The following NFAM1 variants were observed in gnomAD, a reference collection of about 807,000 sequenced individuals.
NFAM1 encodes NFAT activation molecule 1.
A neutral mutation model predicts 29.0 loss-of-function variants in NFAM1; 17 were observed. The observed-to-expected ratio is 0.59, with a 90% CI of 0.40 to 0.88. The LOEUF is 0.88. NFAM1 is among the 40% of genes least tolerant of loss of function. NFAM1 has a pLI of 0.00. For missense variants in NFAM1, 324 were observed against 344.6 expected, an observed-to-expected ratio of 0.94 and a Z score of 0.47; for synonymous variants, 175 against 147.2, an observed-to-expected ratio of 1.19 and a Z score of -1.36.
intron 1 of NFAM1, among the ~76,000 whole-genome samples, chr22:42,418,684 CTCTG>C (rs1300032694): frequency 1.3e-5 from 2 of 151,750 alleles, no homozygotes. Flanking sequence ...CAAGAGCTAT[CTCTG>C]TTTTTTTTTT....
chr22:42,397,799 A>G (rs1483192778), intron 4 of NFAM1, 59 bp downstream of exon 4: 7 of 954,454 alleles, frequency 7.3e-6, no homozygotes, highest in Non-Finnish European at 1.2e-5. Context: ...CCCTGGTACA[A>G]GACAGACTCT....
At chr22:42,431,280 C>T (rs752797987) in intron 1 of NFAM1, among the ~76,000 whole-genome samples, 28 of 152,132 alleles carry the variant, frequency 1.8e-4, no homozygotes, top group East Asian at 1.3e-3. Context: ...GTGGCCAGTA[C>T]GTGCCCTGCT....
intron 1 of NFAM1, among the ~76,000 whole-genome samples, chr22:42,430,697 G>A (rs980519994): frequency 6.6e-6 from 1 of 152,092 alleles, no homozygotes. Flanking sequence ...TACCGGGTGG[G>A]AGGGGGTGGC....
chr22:42,423,674 G>A (rs777401808), intron 1 of NFAM1, among the ~76,000 whole-genome samples: 3 of 151,844 alleles, frequency 2.0e-5, no homozygotes, highest in Non-Finnish European at 4.4e-5. Flanking sequence ...AGCCATGACT[G>A]TATCACCTCA....
rs1313391979 is a variant in NFAM1 at position 42,409,371 on chromosome 22, C to T, written c.564+64G>A. 7 of 874,128 alleles carry T rather than the reference C, an allele frequency of 8.0e-6. No homozygotes were observed. Among genetic ancestry groups the T allele is most frequent in the South Asian group, 2.1e-5 (1 of 46,778 alleles). The allele number at this position is 874,128 out of a possible 1,614,324, so 54.1% of individuals were successfully genotyped here. A position where few individuals can be genotyped will look rare whatever the true frequency, so the allele number is the denominator to read the frequency against. On this transcript the variant is annotated intron_variant, in intron 3 of 5. Coordinates refer to ENST00000329021, the MANE Select transcript of NFAM1 (RefSeq NM_145912.8). This position sits in a 1 kb window ranked among gnomAD's most constrained non-coding sequence, Gnocchi z 4.9. ...GGCCCACCAAACGCCCTGCAGAGGG[C>T]AGGCGGGCAGCCGGTGGCGTGTCGG...
Position 42,396,268 on chromosome 22 carries a change from G to T in NFAM1, c.663+1590C>A, listed in dbSNP as rs367766289. On this transcript the variant is annotated intron_variant, in intron 4 of 5. Transcript: ENST00000329021. The stretch of plus-strand genomic sequence containing the variant: ...AAGCTCTGCTCAAAAGAGCTCTTCC[G>T]TTAAACATAATCTCATAGAAAGATA... Among the ~76,000 whole-genome samples the T allele has an allele frequency of 2.0e-4, 31 of 152,246 alleles. 1 individual carries two copies. The East Asian group carries it at 4.8e-3, about 24-fold the overall frequency.
Position 42,411,694 on chromosome 22 carries a change from G to A in NFAM1, c.164C>T (p.Ser55Phe), listed in dbSNP as rs1930098757. ...GAAGGAGATAGCTGTGTTGGCCAGGGAGGCCATGATGGGCAGGCCGGTGTG... is the reference window on the plus strand; with the variant it reads ...GAAGGAGATAGCTGTGTTGGCCAGGAAGGCCATGATGGGCAGGCCGGTGTG... ...VTHTGLPIMA[S>F]LANTAISFSC... Residue 55 changes from serine to phenylalanine, a missense_variant, in exon 2 of 6, where the codon TCC (serine) becomes TTC (phenylalanine). Physicochemically the swap from Ser to Phe is radical, Grantham distance 155 (BLOSUM62 -2). Transcript: ENST00000329021. 1 of 1,614,108 alleles carries A rather than the reference G, an allele frequency of 6.2e-7. No individual in the cohort carries two copies. The highest frequency in any genetic ancestry group is 2.2e-5 in the East Asian group (1 of 44,886).
Position 42,383,422 on chromosome 22 carries a change from G to T in NFAM1, c.*1739C>A, listed in dbSNP as rs1250146298. On this transcript the variant is annotated 3_prime_UTR_variant, in exon 6 of 6. Transcript: ENST00000329021. The stretch of plus-strand genomic sequence containing the variant: ...CAGCTTCACCTCCCCAAACAGGCCC[G>T]GAGTTCATTCAAATCCAGCCTCTGG... 2.0e-5 allele frequency: 3 copies of T among 152,702 alleles called. No individual in the cohort carries two copies. The highest frequency in any genetic ancestry group is 4.4e-5 in the Non-Finnish European group (3 of 68,082). 9.5% of individuals were successfully genotyped at this position (152,702 alleles called of 1,614,324 possible).
upstream of NFAM1, among the ~76,000 whole-genome samples, chr22:42,434,338 A>T (rs1036753980): frequency 6.6e-6 from 1 of 152,112 alleles, no homozygotes; most frequent in South Asian, 2.1e-4. Flanking sequence ...CTGGTGCACA[A>T]GAGGCCTCAA....
intron 4 of NFAM1, among the ~76,000 whole-genome samples, chr22:42,392,715 G>A (rs1012567502): frequency 2.0e-5 from 3 of 152,132 alleles, no homozygotes; most frequent in African/African-American, 4.8e-5. Flanking sequence ...AACAAGGCTC[G>A]GATGGGGGTT....
chr22:42,415,161 TC>T (rs771068594), intron 1 of NFAM1, among the ~76,000 whole-genome samples: 1 of 151,920 alleles, frequency 6.6e-6, no homozygotes, highest in Admixed American at 6.6e-5. Context: ...CAACGTCCAG[TC>T]TGGAGACGTC....
At chr22:42,386,426 C>CACACACACACACAA (rs1491541989) in intron 5 of NFAM1, among the ~76,000 whole-genome samples, 11 of 106,450 alleles carry the variant, frequency 1.0e-4, no homozygotes, top group Middle Eastern at 5.0e-3. Flanking sequence ...CACACACACA[C>CACACACACACACAA]AAAACAAAAA....
intron 5 of NFAM1, among the ~76,000 whole-genome samples, chr22:42,386,408 C>CACAA (rs1409776722): frequency 3.5e-5 from 5 of 142,326 alleles, no homozygotes; most frequent in African/African-American, 1.4e-4. Context: ...CACACACACA[C>CACAA]ACACACACAC....
At chr22:42,417,105 G>A (rs73886097) in intron 1 of NFAM1, among the ~76,000 whole-genome samples, 5,547 of 152,258 alleles carry the variant, frequency 0.036, 364 homozygotes, top group African/African-American at 0.13. Flanking sequence ...CAGGTTGACC[G>A]GTGGGGACGG....
chr22:42,402,922 G>A (rs995794277), intron 3 of NFAM1, among the ~76,000 whole-genome samples: 26 of 135,990 alleles, frequency 1.9e-4, no homozygotes, highest in African/African-American at 5.1e-4. Context: ...TGCATCCTCC[G>A]CCTCCCAGGT....
Position 42,415,070 on chromosome 22 carries a change from C to T in NFAM1, c.122-3334G>A, listed in dbSNP as rs17003056. Among the ~76,000 whole-genome samples, 1,610 of 152,214 alleles carry T rather than the reference C, an allele frequency of 0.011. 80 individuals are homozygous for T. In the East Asian group the frequency reaches 0.14, roughly 14 times the overall value. ...GCCACAGCGAGGAGAGGCTTCGAAACGAGAACCTCAGACCTCTGATGAAAC... is the reference window on the plus strand; with the variant it reads ...GCCACAGCGAGGAGAGGCTTCGAAATGAGAACCTCAGACCTCTGATGAAAC... On this transcript the variant is annotated intron_variant, in intron 1 of 5. Transcript: ENST00000329021.
intron 1 of NFAM1, among the ~76,000 whole-genome samples, chr22:42,416,521 G>A (rs1930265784): frequency 6.6e-6 from 1 of 152,190 alleles, no homozygotes. Flanking sequence ...CAGAACCCTG[G>A]TGGGCCTCAC....
intron 3 of NFAM1, among the ~76,000 whole-genome samples, chr22:42,405,326 C>G (rs773644194): frequency 2.6e-5 from 4 of 152,208 alleles, no homozygotes; most frequent in Non-Finnish European, 5.9e-5. Flanking sequence ...GTGTGGGTCA[C>G]TCCTGTAAGC....
At chr22:42,423,574 G>A (rs1930519109) in intron 1 of NFAM1, among the ~76,000 whole-genome samples, 1 of 135,950 alleles carries the variant, frequency 7.4e-6, no homozygotes, top group Non-Finnish European at 1.6e-5. Context: ...AATAAAATTA[G>A]CTGGGCAAGG....
Sources: gnomAD v4.1 joint callset for allele counts (sites outside exome capture counted in the v4.1 genomes callset) on GRCh38, gnomAD v4.1.1 for gene constraint, Gnocchi (gnomAD v3.1) non-coding constraint, MANE v1.5 for transcripts, NCBI Gene and HGNC (gene_info 2026-07-23, HGNC 2026-07-21) for gene names.